CHP2: variants seen among roughly 807,000 people sequenced by gnomAD.
CHP2 encodes the protein calcineurin B homologous protein 2.
In CHP2, 31 loss-of-function variants were observed where a neutral mutation model predicts 24.7. The ratio of observed to expected loss-of-function variants is 1.26; its 90% CI spans 0.94 to 1.69. The LOEUF is 1.69. CHP2 is among the 40% of genes most tolerant of loss of function. The pLI is 0.00. For missense variants in CHP2, 319 were observed against 261.5 expected (o/e 1.22, Z -1.52); for synonymous variants, 97 against 99.1 (o/e 0.98, Z 0.13).
In CHP2 at chr16:23,755,073, C is replaced by T. The variant is rs770646607; in HGVS notation, c.24C>T (p.Ala8=). The change falls in exon 1 of 7, where the codon GCC becomes GCT. Residue 8 remains alanine, a synonymous_variant. Coordinates refer to ENST00000300113, the MANE Select transcript of CHP2 (RefSeq NM_022097.4). MGSRSSH[A]AVIPDGDSIR... is the part of the protein sequence containing the mutation. ...CCATGGGGTCGCGCAGCTCCCACGC[C>T]GCGGTCATTCCCGACGGGGACAGTA... 4 of 1,599,480 alleles carry T rather than the reference C, an allele frequency of 2.5e-6. No homozygotes were observed. Among genetic ancestry groups the T allele is most frequent in the Non-Finnish European group, 3.4e-6 (4 of 1,175,880 alleles).
At chr16:23,755,806 T>C (rs1323148782) in intron 2 of CHP2, 41 bp from the exon 3 acceptor site, 8 of 1,613,636 alleles carry the variant, frequency 5.0e-6, no homozygotes, top group African/African-American at 1.3e-5. Context: ...ACCCTCCGTC[T>C]GGCATCTCTG....
At position 23,755,699 on chromosome 16, in the gene CHP2, C is replaced by T. The variant is rs772303282; in HGVS notation, c.106C>T (p.Arg36Trp). 33 of 1,614,182 alleles carry T rather than the reference C, an allele frequency of 2.0e-5. No individual in the cohort carries two copies. In the Admixed American group the frequency reaches 4.7e-4, roughly 23 times the overall value. The change falls in exon 2 of 7, where the codon CGG (arginine) becomes TGG (tryptophan). Residue 36 changes from arginine (R) to tryptophan (W), a missense_variant. Coordinates refer to ENST00000300113, the MANE Select transcript of CHP2 (RefSeq NM_022097.4). ...ASLLRLHHRF[R>W]ALDRNKKGYL... ...CCTGCTCCGCCTGCACCACCGGTTCCGGGCACTGGACAGGAATAAGAAGGG... is the reference window on the plus strand; with the variant it reads ...CCTGCTCCGCCTGCACCACCGGTTCTGGGCACTGGACAGGAATAAGAAGGG...
intron 2 of CHP2, 36 bp downstream of exon 2, chr16:23,755,769 GTCTCTCTGACTCCA>G (rs779052004): frequency 1.9e-6 from 3 of 1,613,582 alleles, no homozygotes; most frequent in Non-Finnish European, 2.5e-6. Flanking sequence ...TCTGGCCTCT[GTCTCTCTGACTCCA>G]TGTCCCTCTT....
rs755849123 is a variant in CHP2, at chr16:23,757,579, A to G, written c.587A>G (p.Lys196Arg). The G allele has an allele frequency of 6.2e-7, 1 of 1,613,894 alleles. No individual in the cohort carries two copies. The highest frequency in any genetic ancestry group is 1.7e-5 in the Admixed American group (1 of 59,982). ...CAAAAAATGAGCATCCGGATCCTGA[A>G]GTGACTCCGTTTGTGCCTTGGGCTT... ...VEQKMSIRIL[K>R] Residue 196 changes from lysine to arginine, a missense_variant, in exon 7 of 7, where the codon AAG becomes AGG. By Grantham distance (26) the Lys-to-Arg change is conservative. Transcript: ENST00000300113.
At chr16:23,757,108 T>C in intron 5 of CHP2, 93 bp from the exon 6 acceptor site, 1 of 1,426,422 alleles carries the variant, frequency 7.0e-7, no homozygotes, top group East Asian at 2.3e-5. Context: ...AAATTAGCAA[T>C]AACTTTTGGG....
chr16:23,757,318 A>G lies in CHP2; in HGVS notation c.532A>G (p.Thr178Ala). The change falls in exon 6 of 7, where the codon ACC becomes GCC. Residue 178 changes from threonine (T) to alanine (A), a missense_variant. By Grantham distance (58) the Thr-to-Ala change is moderately conservative. Transcript: ENST00000300113. ...TGGGGCTGTGTCCTTCGTGGAGTTC[A>G]CCAAGGTCAGAGTGCCCTTGGGGAT... is the stretch of plus-strand genomic sequence containing the variant. ...GDGAVSFVEF[T>A]KSLEKMDVEQ... 1 of 1,610,062 alleles carries G rather than the reference A, an allele frequency of 6.2e-7. No individual in the cohort carries two copies. The highest frequency in any genetic ancestry group is 1.1e-5 in the South Asian group (1 of 90,540).
In CHP2 at chr16:23,758,242, T is replaced by G. The variant is rs1365476707; in HGVS notation, c.*659T>G. On this transcript the variant is annotated 3_prime_UTR_variant, in exon 7 of 7. Coordinates refer to ENST00000300113, the MANE Select transcript of CHP2 (RefSeq NM_022097.4). ...GACCCCACACCAGGTCTATCTCATT[T>G]GGTCTCAGAGCTGTGAATCAGCCAG... is the stretch of plus-strand genomic sequence containing the variant. 6.6e-6 allele frequency: 1 copy of G among 152,480 alleles called. No homozygotes were observed. Among genetic ancestry groups the G allele is most frequent in the East Asian group, 1.9e-4 (1 of 5,202 alleles). 9.4% of individuals were successfully genotyped at this position (152,480 alleles called of 1,614,324 possible). A position where few individuals can be genotyped will look rare whatever the true frequency, so the allele number is the denominator to read the frequency against.
chr16:23,756,528 G>T lies in CHP2; in HGVS notation c.414+79G>T, dbSNP rs1240990100. The T allele has an allele frequency of 4.1e-6, 5 of 1,233,734 alleles. No homozygotes were observed. In the Admixed American group the frequency reaches 8.9e-5, roughly 22 times the overall value. The allele number at this position is 1,233,734 out of a possible 1,614,324, so 76.4% of individuals were successfully genotyped here. A position where few individuals can be genotyped will look rare whatever the true frequency, so the allele number is the denominator to read the frequency against. On this transcript the variant is annotated intron_variant, in intron 5 of 6. Transcript: ENST00000300113. ...ATGCAATGGTGTGAGAGATGGGGTG[G>T]GATGATTGGGGAACTGGGGCGCAGA...
intron 5 of CHP2, among the ~76,000 whole-genome samples, chr16:23,756,794 C>T (rs1961231815): frequency 6.6e-6 from 1 of 152,034 alleles, no homozygotes; most frequent in African/African-American, 2.4e-5. Flanking sequence ...GGCTATATAT[C>T]ATGCAATACC....
rs763563444 is a variant in CHP2 at position 23,755,889 on chromosome 16, C to G, written c.183C>G (p.Pro61=). 6.2e-7 allele frequency: 1 copy of G among 1,614,106 alleles called. No individual in the cohort carries two copies. The highest frequency in any genetic ancestry group is 8.5e-7 in the Non-Finnish European group (1 of 1,180,048). ...AGATAGGGGCGCTCGCCGTGAACCC[C>G]CTGGGAGACCGAATTATAGAAAGCT... ...LQQIGALAVN[P]LGDRIIESFF... is the part of the protein sequence containing the mutation. Residue 61 remains proline (P), a synonymous_variant, in exon 3 of 7, where the codon CCC becomes CCG. Transcript: ENST00000300113.
At chr16:23,755,988 G>C (rs1961218596) in intron 3 of CHP2, 61 bp downstream of exon 3, 1 of 1,613,554 alleles carries the variant, frequency 6.2e-7, no homozygotes, top group African/African-American at 1.3e-5. Context: ...GTGGGTGGGA[G>C]GGGAGGTTAG....
rs1274795056 is a variant in CHP2 at position 23,758,878 on chromosome 16, T to C, written c.*1295T>C. ...ATTTCCTGGGTGCATGCTAGGATGA[T>C]GGGGCTTGATGCAGTAGGGAAGAGA... On this transcript the variant is annotated 3_prime_UTR_variant, in exon 7 of 7. Transcript: ENST00000300113. 1 of 152,256 alleles carries C rather than the reference T, an allele frequency of 6.6e-6. No homozygotes were observed. The highest frequency in any genetic ancestry group is 6.5e-5 in the Admixed American group (1 of 15,278). 9.4% of individuals were successfully genotyped at this position (152,256 alleles called of 1,614,324 possible).
In CHP2 at chr16:23,755,539, G is replaced by A. The variant is rs111442011; in HGVS notation, c.68-122G>A. On this transcript the variant is annotated intron_variant, in intron 1 of 6. Coordinates refer to ENST00000300113, the MANE Select transcript of CHP2 (RefSeq NM_022097.4). ...CGGCCAGCTCAACCCCTGATTCCCC[G>A]GGATGATCGCCCCTTCCAGCCAGCC... 985 of 829,988 alleles carry A rather than the reference G, an allele frequency of 1.2e-3. 6 individuals carry two copies. In the African/African-American group the frequency reaches 0.015, roughly 12 times the overall value. The allele number at this position is 829,988 out of a possible 1,614,324, so 51.4% of individuals were successfully genotyped here.
At chr16:23,755,250 A>T in intron 1 of CHP2, 134 bp downstream of exon 1, 3 of 654,278 alleles carry the variant, frequency 4.6e-6, no homozygotes, top group Non-Finnish European at 7.7e-6. Flanking sequence ...CTGGAAGACC[A>T]AGGCCCCTGT....
At chr16:23,756,674 G>A (rs1164335470) in intron 5 of CHP2, among the ~76,000 whole-genome samples, 2 of 152,126 alleles carry the variant, frequency 1.3e-5, no homozygotes, top group African/African-American at 2.4e-5. Context: ...TCAACTGGGG[G>A]TGATTTTGCT....
chr16:23,756,781 T>A (rs1961231709), intron 5 of CHP2, among the ~76,000 whole-genome samples: 1 of 151,988 alleles, frequency 6.6e-6, no homozygotes, highest in Non-Finnish European at 1.5e-5. Context: ...AGGTCAGGAA[T>A]GTGGCTATAT....
In CHP2 at chr16:23,755,684, C is replaced by T; in HGVS notation, c.91C>T (p.Leu31=). ...AGTCTCCCAAGCCAGCCTGCTCCGC[C>T]TGCACCACCGGTTCCGGGCACTGGA... The part of the protein sequence containing the change: ...TGFSQASLLR[L]HHRFRALDRN... Residue 31 remains leucine, a synonymous_variant, in exon 2 of 7, where the codon CTG becomes TTG. Coordinates refer to ENST00000300113, the MANE Select transcript of CHP2 (RefSeq NM_022097.4). 29 of 1,614,160 alleles carry T rather than the reference C, an allele frequency of 1.8e-5. No individual in the cohort carries two copies. The highest frequency in any genetic ancestry group is 2.4e-5 in the Non-Finnish European group (28 of 1,180,026).
intron 5 of CHP2, 28 bp from the exon 6 acceptor site, chr16:23,757,173 T>C (rs1961237019): frequency 6.2e-7 from 1 of 1,613,630 alleles, no homozygotes; most frequent in African/African-American, 1.3e-5. Flanking sequence ...GCCCCCTCCT[T>C]ATGGCTGCCT....
chr16:23,758,223 A>G lies in CHP2; in HGVS notation c.*640A>G, dbSNP rs1961254212. 1 of 152,992 alleles carries G rather than the reference A, an allele frequency of 6.5e-6. No individual in the cohort carries two copies. Among genetic ancestry groups the G allele is most frequent in the African/African-American group, 2.4e-5 (1 of 41,440 alleles). 9.5% of individuals were successfully genotyped at this position (152,992 alleles called of 1,614,324 possible). ...CGGTTCCTAACAGACCACAGACCCC[A>G]CACCAGGTCTATCTCATTTGGTCTC... On this transcript the variant is annotated 3_prime_UTR_variant, in exon 7 of 7. Coordinates refer to ENST00000300113, the MANE Select transcript of CHP2 (RefSeq NM_022097.4).
Sources: allele counts gnomAD v4.1 joint callset (sites outside exome capture counted in the v4.1 genomes callset), GRCh38; gene constraint gnomAD v4.1.1; transcripts MANE v1.5; gene names NCBI Gene and HGNC (gene_info 2026-07-23, HGNC 2026-07-21).